WDFY3: variants seen among roughly 807,000 people sequenced by gnomAD.
WDFY3 encodes the protein WD repeat and FYVE domain containing 3.
A neutral mutation model predicts 409.6 loss-of-function variants in WDFY3; 66 were observed. That is an observed-to-expected ratio of 0.16 (90% CI 0.13 to 0.20). The LOEUF (loss-of-function observed/expected upper bound fraction) is 0.20, where lower values mean the gene tolerates loss of function less well. WDFY3 is among the 10% of genes least tolerant of loss of function. The pLI, the probability that WDFY3 is intolerant of heterozygous loss-of-function variation, is 1.00. For missense variants in WDFY3, 3,031 were observed against 4,298.1 expected (o/e 0.71, Z 8.24); for synonymous variants, 1,521 against 1,537.1 (o/e 0.99, Z 0.25).
chr4:84,683,934 T>C lies in WDFY3; in HGVS notation c.9726+9A>G, dbSNP rs1267224016. On this transcript the variant is annotated intron_variant, in intron 63 of 67. Transcript: ENST00000295888. ...ATATCCTAATGAGTTTTTCTCTCAG[T>C]TCACTTACCCGAACCACTCCATCTG... is the stretch of plus-strand genomic sequence containing the variant. 1.3e-6 allele frequency: 2 copies of C among 1,571,644 alleles called. No individual in the cohort carries two copies. Among genetic ancestry groups the C allele is most frequent in the Non-Finnish European group, 1.7e-6 (2 of 1,149,944 alleles).
At position 84,718,413 on chromosome 4, in the gene WDFY3, T is replaced by C. The variant is rs758995543; in HGVS notation, c.7754+9A>G. On this transcript the variant is annotated intron_variant, in intron 48 of 67. Coordinates refer to ENST00000295888, the MANE Select transcript of WDFY3 (RefSeq NM_014991.6). ...GCCATACATTATGTCTCTTCATTCA[T>C]TTACTTACTTTGGAGGTAAGGTTTC... 2 of 1,611,086 alleles carry C rather than the reference T, an allele frequency of 1.2e-6. No individual in the cohort carries two copies. Among genetic ancestry groups the C allele is most frequent in the Non-Finnish European group, 1.7e-6 (2 of 1,178,740 alleles).
intron 50 of WDFY3, 148 bp from the exon 51 acceptor site, chr4:84,713,387 A>G: frequency 1.5e-6 from 1 of 645,778 alleles, no homozygotes. Flanking sequence ...GAATATATAA[A>G]TTTTGGACTT....
At chr4:84,848,230 C>A (rs529385927) in intron 5 of WDFY3, among the ~76,000 whole-genome samples, 6 of 138,220 alleles carry the variant, frequency 4.3e-5, no homozygotes, top group Admixed American at 1.5e-4. Flanking sequence ...AAAGCAGGGA[C>A]AAAGAGAGGA....
intron 3 of WDFY3, among the ~76,000 whole-genome samples, chr4:84,862,952 T>C (rs559987141): frequency 1.3e-5 from 2 of 152,392 alleles, no homozygotes; most frequent in East Asian, 1.9e-4. Context: ...AGTGATATCA[T>C]ACAGTATTTG....
intron 44 of WDFY3, among the ~76,000 whole-genome samples, chr4:84,728,662 A>G (rs1238642834): frequency 6.6e-6 from 1 of 152,308 alleles, no homozygotes; most frequent in East Asian, 1.9e-4. Context: ...GGATGTAGGC[A>G]GGGTCTACTA....
intron 10 of WDFY3, 121 bp downstream of exon 10, chr4:84,826,694 T>A: frequency 9.9e-7 from 1 of 1,007,996 alleles, no homozygotes; most frequent in Non-Finnish European, 1.3e-6. Context: ...AAACAAGCTT[T>A]AAGGGAAACT....
At chr4:84,862,797 C>G (rs1187003318) in intron 3 of WDFY3, among the ~76,000 whole-genome samples, 2 of 152,090 alleles carry the variant, frequency 1.3e-5, no homozygotes, top group Non-Finnish European at 2.9e-5. Flanking sequence ...ACTATCCTGG[C>G]TAACACGGTG....
At chr4:84,936,097 C>T (rs1771368528) in intron 1 of WDFY3, among the ~76,000 whole-genome samples, 1 of 152,148 alleles carries the variant, frequency 6.6e-6, no homozygotes, top group South Asian at 2.1e-4. Flanking sequence ...AAACTGTGTA[C>T]ATTGAAATGC....
intron 3 of WDFY3, among the ~76,000 whole-genome samples, chr4:84,877,287 T>G (rs886561161): frequency 2.6e-5 from 4 of 152,138 alleles, no homozygotes; most frequent in Admixed American, 1.3e-4. Flanking sequence ...CAGATGATTA[T>G]GAATCATCCT....
At chr4:84,704,828 G>A (rs1413518382) in intron 54 of WDFY3, among the ~76,000 whole-genome samples, 1 of 152,106 alleles carries the variant, frequency 6.6e-6, no homozygotes, top group African/African-American at 2.4e-5. Context: ...TGAATGTTAA[G>A]CACTTTTATG....
At chr4:84,953,331 T>G (rs1424654188) in intron 1 of WDFY3, among the ~76,000 whole-genome samples, 2 of 151,796 alleles carry the variant, frequency 1.3e-5, no homozygotes, top group Non-Finnish European at 2.9e-5. Context: ...AGATACAAAA[T>G]AGTATATATG....
intron 43 of WDFY3, 55 bp downstream of exon 43, chr4:84,734,988 C>T (rs937557722): frequency 2.8e-5 from 40 of 1,437,558 alleles, no homozygotes; most frequent in Non-Finnish European, 3.9e-5. Flanking sequence ...CAAACAGAGA[C>T]CTTTCACATA....
Position 84,692,955 on chromosome 4 carries a change from T to A in WDFY3, c.8979A>T (p.Pro2993=). The A allele has an allele frequency of 1.2e-6, 2 of 1,613,774 alleles. No homozygotes were observed. The highest frequency in any genetic ancestry group is 1.7e-6 in the Non-Finnish European group (2 of 1,179,966). The stretch of plus-strand genomic sequence containing the variant: ...AAAAGATCTTGTCACTTGTAGATCC[T>A]GGTAGGACAGAGATTCCTGCATTGT... ...NGDNAGISVL[P]GSTSDKIFFH... is the part of the protein sequence containing the mutation. The change falls in exon 59 of 68, where the codon CCA becomes CCT. Residue 2993 remains proline, a synonymous_variant. Transcript: ENST00000295888.
intron 5 of WDFY3, among the ~76,000 whole-genome samples, chr4:84,841,703 C>T (rs535360699): frequency 6.6e-6 from 1 of 152,134 alleles, no homozygotes; most frequent in African/African-American, 2.4e-5. Context: ...TATAGAAGAG[C>T]ACTGTTTAGA....
intron 1 of WDFY3, among the ~76,000 whole-genome samples, chr4:84,955,019 A>G (rs983938491): frequency 1.3e-5 from 2 of 152,168 alleles, no homozygotes; most frequent in Admixed American, 6.5e-5. Context: ...AGCCTGGCCA[A>G]TATGGCAAAA....
At chr4:84,947,794 A>T (rs1039404702) in intron 1 of WDFY3, among the ~76,000 whole-genome samples, 4 of 151,128 alleles carry the variant, frequency 2.6e-5, no homozygotes, top group African/African-American at 7.3e-5. Context: ...AGGAGGGAGG[A>T]CCACTTACTT....
At chr4:84,858,018 A>G (rs1251925938) in intron 4 of WDFY3, among the ~76,000 whole-genome samples, 1 of 152,146 alleles carries the variant, frequency 6.6e-6, no homozygotes, top group Non-Finnish European at 1.5e-5. Context: ...CTGAGCCATC[A>G]ATACTAATCA....
At chr4:84,738,683 T>C (rs914339862) in intron 40 of WDFY3, among the ~76,000 whole-genome samples, 1 of 152,070 alleles carries the variant, frequency 6.6e-6, no homozygotes, top group African/African-American at 2.4e-5. Flanking sequence ...AATATTAGCC[T>C]ACTCTAATGT....
chr4:84,779,412 A>G (rs1192451660), intron 26 of WDFY3, among the ~76,000 whole-genome samples: 1 of 149,992 alleles, frequency 6.7e-6, no homozygotes, highest in East Asian at 1.9e-4. Context: ...CTGTGGATAC[A>G]TAAATGCTGC....
Sources: gnomAD v4.1 joint callset for allele counts (sites outside exome capture counted in the v4.1 genomes callset) on GRCh38, gnomAD v4.1.1 for gene constraint, MANE v1.5 for transcripts, NCBI Gene and HGNC (gene_info 2026-07-23, HGNC 2026-07-21) for gene names.